Variants in WTAP observed in about 807,000 individuals in gnomAD.
The protein encoded by WTAP is pre-mRNA-splicing regulator WTAP.
In WTAP, 8 loss-of-function variants were observed where a neutral mutation model predicts 50.0. The ratio of observed to expected loss-of-function variants is 0.16; its 90% confidence interval spans 0.09 to 0.29. WTAP has a LOEUF of 0.29. Among genes scored for constraint, WTAP ranks in the 10% least tolerant of loss-of-function variants. WTAP has a pLI of 1.00. For synonymous variants in WTAP, 194 were observed against 169.0 expected (o/e 1.15, Z -1.15); for missense variants, 295 against 470.7 (o/e 0.63, Z 3.45).
intron 2 of WTAP, among the ~76,000 whole-genome samples, chr6:159,736,977 C>T (rs1477102510): frequency 6.6e-6 from 1 of 152,178 alleles, no homozygotes; most frequent in Non-Finnish European, 1.5e-5. Context: ...AGTCAGATTA[C>T]TCATTAAATG....
chr6:159,738,943 G>T (rs1779081076), intron 2 of WTAP, 47 bp from the exon 3 acceptor site: 2 of 1,435,700 alleles, frequency 1.4e-6, no homozygotes, highest in Non-Finnish European at 1.9e-6. Flanking sequence ...ATAGAACTTT[G>T]TGTCTTCAGG....
Position 159,755,783 on chromosome 6 carries a change from T to TC in WTAP, c.*172_*173insC, listed in dbSNP as rs1779991136. 1.9e-6 allele frequency: 2 copies of TC among 1,036,748 alleles called. No homozygotes were observed. Among genetic ancestry groups the TC allele is most frequent in the African/African-American group, 1.7e-5 (1 of 57,268 alleles). The allele number at this position is 1,036,748 out of a possible 1,614,324, so 64.2% of individuals were successfully genotyped here. On this transcript the variant is annotated 3_prime_UTR_variant, in exon 8 of 8. Transcript: ENST00000621533. ...TTCTTTTCTTTTTTTTTTTTTTTTT[T>TC]TTTTTTTGCTTCAATACTTCTGCCG...
Position 159,748,311 on chromosome 6 carries a change from A to G in WTAP, c.394A>G (p.Lys132Glu). ...AATGAAAGGTGAACTGGAACAGACT[A>G]AAGACAAACTGGAACAAGCCCAAAA... ...LKMKGELEQT[K>E]DKLEQAQNEL... Residue 132 changes from lysine (K) to glutamate (E), a missense_variant, in exon 6 of 8, where the codon AAA becomes GAA. Physicochemically the swap from Lys to Glu is moderately conservative, Grantham distance 56 (BLOSUM62 1). This residue lies in a region of WTAP where 120 missense variants were observed against 287.6 expected (regional missense o/e 0.42). Coordinates refer to ENST00000621533, the MANE Select transcript of WTAP (RefSeq NM_001270531.2). The surrounding 1 kb of genome is among the most constrained non-coding windows in gnomAD (Gnocchi z 5.6). 6.2e-7 allele frequency: 1 copy of G among 1,614,094 alleles called. No individual in the cohort carries two copies. The highest frequency in any genetic ancestry group is 8.5e-7 in the Non-Finnish European group (1 of 1,179,954).
rs757322805 is a variant in WTAP, at chr6:159,743,635, T to C, written c.146-30T>C. On this transcript the variant is annotated intron_variant, in intron 4 of 7. Transcript: ENST00000621533. ...GGTATTTAGAACTTGATCTTAAAAT[T>C]GTATTTATAATTTTTTTTTGAATCA... The C allele has an allele frequency of 1.0e-5, 16 of 1,564,164 alleles. No homozygotes were observed. The East Asian group carries it at 2.3e-4, about 22-fold the overall frequency.
At chr6:159,731,188 A>G (rs1177082211) in intron 1 of WTAP, among the ~76,000 whole-genome samples, 4 of 151,944 alleles carry the variant, frequency 2.6e-5, no homozygotes, top group Non-Finnish European at 5.9e-5. Context: ...CAGGCTGGGC[A>G]TGGTGGCTCA....
intron 1 of WTAP, among the ~76,000 whole-genome samples, chr6:159,735,424 C>G (rs942928181): frequency 6.6e-6 from 1 of 152,150 alleles, no homozygotes; most frequent in African/African-American, 2.4e-5. Context: ...CAGTCGTGAG[C>G]CATCACGCCC....
intron 6 of WTAP, chr6:159,753,242 T>A (rs191588923): frequency 8.7e-6 from 5 of 574,034 alleles, no homozygotes; most frequent in South Asian, 8.2e-5. Flanking sequence ...TGTAGCTGTT[T>A]GGGCACTTTT....
chr6:159,733,890 C>T (rs559236637), intron 1 of WTAP, among the ~76,000 whole-genome samples: 14 of 152,004 alleles, frequency 9.2e-5, no homozygotes, highest in Admixed American at 2.0e-4. Flanking sequence ...CACTCCACCC[C>T]GGGCAACAAG....
At chr6:159,744,331 A>T (rs142108718) in intron 5 of WTAP, among the ~76,000 whole-genome samples, 88 of 152,350 alleles carry the variant, frequency 5.8e-4, no homozygotes, top group African/African-American at 2.0e-3. Flanking sequence ...GTTTAGGCTC[A>T]ATCTTACGGT....
At chr6:159,727,017 C>T (rs1778207548), upstream of WTAP, 2 of 1,242,388 alleles carry the variant, frequency 1.6e-6, no homozygotes, top group Admixed American at 2.7e-5. Context: ...CACGAGGCAG[C>T]CCCGCAGCCG....
Position 159,748,534 on chromosome 6 carries a change from T to C in WTAP, c.452+165T>C. On this transcript the variant is annotated intron_variant, in intron 6 of 7. Coordinates refer to ENST00000621533, the MANE Select transcript of WTAP (RefSeq NM_001270531.2). The surrounding 1 kb of genome is among the most constrained non-coding windows in gnomAD (Gnocchi z 5.6). ...CAGCTTGTAATGGTTAATGTAAAACTTACCAGATGAACCTTGTGTTTCAGC... is the reference window on the plus strand; with the variant it reads ...CAGCTTGTAATGGTTAATGTAAAACCTACCAGATGAACCTTGTGTTTCAGC... The C allele has an allele frequency of 1.4e-6, 2 of 1,383,724 alleles. No individual in the cohort carries two copies. Among genetic ancestry groups the C allele is most frequent in the Non-Finnish European group, 1.9e-6 (2 of 1,063,966 alleles). 85.7% of individuals were successfully genotyped at this position (1,383,724 alleles called of 1,614,324 possible). A position where few individuals can be genotyped will look rare whatever the true frequency, so the allele number is the denominator to read the frequency against.
At position 159,748,110 on chromosome 6, in the gene WTAP, A is replaced by C. The variant is rs1779684948; in HGVS notation, c.274-81A>C. 2.7e-6 allele frequency: 4 copies of C among 1,502,224 alleles called. No individual in the cohort carries two copies. Among genetic ancestry groups the C allele is most frequent in the Non-Finnish European group, 3.6e-6 (4 of 1,111,726 alleles). The allele number at this position is 1,502,224 out of a possible 1,614,324, so 93.1% of individuals were successfully genotyped here. The stretch of plus-strand genomic sequence containing the variant: ...GCTTAATGAAAGAGTTGGTAAATCA[A>C]GTGAATGGAGGGAGTTTTCCCCACC... On this transcript the variant is annotated intron_variant, in intron 5 of 7. Coordinates refer to ENST00000621533, the MANE Select transcript of WTAP (RefSeq NM_001270531.2). The surrounding 1 kb of genome is among the most constrained non-coding windows in gnomAD (Gnocchi z 5.6).
intron 1 of WTAP, among the ~76,000 whole-genome samples, chr6:159,730,414 A>G (rs956349281): frequency 6.6e-6 from 1 of 152,088 alleles, no homozygotes; most frequent in Non-Finnish European, 1.5e-5. Flanking sequence ...ATTGACTTTA[A>G]ATTTAGGTTA....
intron 1 of WTAP, among the ~76,000 whole-genome samples, chr6:159,734,978 A>C (rs1006963106): frequency 6.6e-6 from 1 of 152,238 alleles, no homozygotes; most frequent in Non-Finnish European, 1.5e-5. Flanking sequence ...AAAAAACAGC[A>C]TAATAAAGTG....
At chr6:159,736,149 C>T (rs770696642) in intron 1 of WTAP, 109 bp from the exon 2 acceptor site, 2 of 1,055,116 alleles carry the variant, frequency 1.9e-6, no homozygotes, top group Non-Finnish European at 2.8e-6. Context: ...AATTATTCAA[C>T]AGTAATTTAG....
intron 1 of WTAP, among the ~76,000 whole-genome samples, chr6:159,735,006 T>C (rs1293891373): frequency 6.6e-6 from 1 of 152,254 alleles, no homozygotes; most frequent in Non-Finnish European, 1.5e-5. Context: ...CTTGAATTCA[T>C]TAACCTATCT....
intron 1 of WTAP, among the ~76,000 whole-genome samples, chr6:159,727,910 C>T (rs1409969697): frequency 6.6e-6 from 1 of 152,232 alleles, no homozygotes; most frequent in African/African-American, 2.4e-5. Context: ...CTCTGTCCTC[C>T]GTCCCCAAGG....
At chr6:159,736,221 A>G (rs769932482) in intron 1 of WTAP, 37 bp from the exon 2 acceptor site, 18 of 1,576,068 alleles carry the variant, frequency 1.1e-5, no homozygotes, top group Non-Finnish European at 1.5e-5. Flanking sequence ...CTGGAAGAAA[A>G]TAAATTGAAC....
chr6:159,743,071 A>G (rs1779358239), intron 4 of WTAP, among the ~76,000 whole-genome samples: 2 of 152,076 alleles, frequency 1.3e-5, no homozygotes, highest in African/African-American at 2.4e-5. Context: ...TGTTTGAGAC[A>G]GGGTCTCGCA....
Sources: gnomAD v4.1 joint callset for allele counts (sites outside exome capture counted in the v4.1 genomes callset) on GRCh38, gnomAD v4.1.1 for gene constraint, gnomAD v4.1.1 regional missense constraint, Gnocchi (gnomAD v3.1) non-coding constraint, MANE v1.5 for transcripts, NCBI Gene and HGNC (gene_info 2026-07-23, HGNC 2026-07-21) for gene names.